NPNT: variants seen among roughly 807,000 people sequenced by gnomAD.
NPNT encodes preosteoblast EGF-like repeat protein with MAM domain.
NPNT carries 45 observed loss-of-function variants against 68.6 expected under a neutral mutation model. The observed-to-expected ratio is 0.66, with a 90% CI of 0.52 to 0.84. The LOEUF is 0.84. NPNT is among the 40% of genes least tolerant of loss of function. The pLI, the probability that NPNT is intolerant of heterozygous loss-of-function variation, is 0.00. For missense variants in NPNT, 672 were observed against 714.8 expected, an observed-to-expected ratio of 0.94 and a Z score of 0.68; for synonymous variants, 233 against 253.3, an observed-to-expected ratio of 0.92 and a Z score of 0.76.
In NPNT at chr4:105,927,319, C is replaced by G. The variant is rs368080865; in HGVS notation, c.173-17C>G. 3 of 1,549,080 alleles carry G rather than the reference C, an allele frequency of 1.9e-6. No homozygotes were observed. Among genetic ancestry groups the G allele is most frequent in the Non-Finnish European group, 2.7e-6 (3 of 1,123,058 alleles). Reference sequence around the variant, plus strand: ...TTCGTTGACCTAGAAATAATGCATGCCATCTTCTTTTCACAGCTGTGTGCC... The same window carrying G: ...TTCGTTGACCTAGAAATAATGCATGGCATCTTCTTTTCACAGCTGTGTGCC... On this transcript the variant is annotated splice_polypyrimidine_tract_variant and intron_variant, in intron 2 of 11. Coordinates refer to ENST00000379987, the MANE Select transcript of NPNT (RefSeq NM_001033047.3).
chr4:105,895,707 G>A lies in NPNT; in HGVS notation c.55G>A (p.Ala19Thr). Residue 19 changes from alanine to threonine, a missense_variant, in exon 1 of 12, where the codon GCC becomes ACC. Coordinates refer to ENST00000379987, the MANE Select transcript of NPNT (RefSeq NM_001033047.3). ...ATCCTCGCTCTACCTGCAGGCGGCC[G>A]CCGAGTTCGACGGGAGGTGAGCTGG... ...LVSSLYLQAA[A>T]EFDGRWPRQI... 4 of 1,553,364 alleles carry A rather than the reference G, an allele frequency of 2.6e-6. No individual in the cohort carries two copies. Among genetic ancestry groups the A allele is most frequent in the South Asian group, 1.2e-5 (1 of 84,178 alleles).
intron 3 of NPNT, among the ~76,000 whole-genome samples, chr4:105,928,289 G>A (rs188680203): frequency 6.6e-6 from 1 of 152,248 alleles, no homozygotes; most frequent in Non-Finnish European, 1.5e-5. Flanking sequence ...AGTCAGACAA[G>A]GCTTGTCTTG....
chr4:105,932,190 AG>A (rs1349584877), intron 3 of NPNT, among the ~76,000 whole-genome samples: 1 of 126,020 alleles, frequency 7.9e-6, no homozygotes, highest in African/African-American at 2.8e-5. Flanking sequence ...GTGATAGTGT[AG>A]GGAAAAAAAT....
chr4:105,934,721 G>T (rs1335721114), intron 3 of NPNT, among the ~76,000 whole-genome samples: 1 of 152,210 alleles, frequency 6.6e-6, no homozygotes, highest in Non-Finnish European at 1.5e-5. Context: ...TTTACCCATT[G>T]AATGTTGCAT....
Position 105,968,939 on chromosome 4 carries a change from T to A in NPNT, c.1647T>A (p.Ile549=), listed in dbSNP as rs768148696. Residue 549 remains isoleucine (I), a synonymous_variant, in exon 12 of 12, where the codon ATT becomes ATA. Transcript: ENST00000379987. ...AAAGGCGTGGTCACACTGGGGAGAT[T>A]GGATTAGATGATGTGAGCTTGAAAA... ...GEKRRGHTGE[I]GLDDVSLKKG... The A allele has an allele frequency of 2.2e-5, 36 of 1,613,384 alleles. No individual in the cohort carries two copies. Among genetic ancestry groups the A allele is most frequent in the Non-Finnish European group, 3.1e-5 (36 of 1,179,554 alleles).
At chr4:105,900,486 A>G (rs1350657121) in intron 2 of NPNT, among the ~76,000 whole-genome samples, 3 of 152,218 alleles carry the variant, frequency 2.0e-5, no homozygotes, top group East Asian at 3.8e-4. Context: ...ACGTATCTGT[A>G]CAAAACATGC....
At chr4:105,910,576 A>C (rs1727284186) in intron 2 of NPNT, among the ~76,000 whole-genome samples, 2 of 152,220 alleles carry the variant, frequency 1.3e-5, no homozygotes, top group Non-Finnish European at 2.9e-5. Context: ...GTTGCATATA[A>C]AAATTTCCTT....
At position 105,930,101 on chromosome 4, in the gene NPNT, T is replaced by C. The variant is rs143171733; in HGVS notation, c.265+2673T>C. Reference sequence around the variant, plus strand: ...AATAAAACTACAGCTTAAAATAAACTTAGGTGTTTTAATCATCTCTTATTT... The same window carrying C: ...AATAAAACTACAGCTTAAAATAAACCTAGGTGTTTTAATCATCTCTTATTT... On this transcript the variant is annotated intron_variant, in intron 3 of 11. Transcript: ENST00000379987. Among the ~76,000 whole-genome samples, 660 of 152,286 alleles carry C rather than the reference T, an allele frequency of 4.3e-3. 8 individuals carry two copies. Among genetic ancestry groups the C allele is most frequent in the African/African-American group, 0.015 (627 of 41,566 alleles).
At chr4:105,953,577 C>T (rs1730993781) in intron 8 of NPNT, among the ~76,000 whole-genome samples, 1 of 152,076 alleles carries the variant, frequency 6.6e-6, no homozygotes, top group African/African-American at 2.4e-5. Flanking sequence ...ATGCATATGT[C>T]CTGCATCTGT....
chr4:105,959,934 C>T (rs1302480473), intron 10 of NPNT, among the ~76,000 whole-genome samples: 1 of 151,854 alleles, frequency 6.6e-6, no homozygotes, highest in Non-Finnish European at 1.5e-5. Context: ...CTCAGCCTCC[C>T]AAGTAGCTGG....
chr4:105,960,284 A>G (rs539929252), intron 10 of NPNT, among the ~76,000 whole-genome samples: 2 of 152,362 alleles, frequency 1.3e-5, no homozygotes, highest in African/African-American at 4.8e-5. Flanking sequence ...CATACTGGAT[A>G]AGAGCACCAA....
At chr4:105,943,242 C>T (rs1428797927) in intron 8 of NPNT, among the ~76,000 whole-genome samples, 5 of 152,102 alleles carry the variant, frequency 3.3e-5, no homozygotes, top group African/African-American at 1.2e-4. Flanking sequence ...GAAGGGATAC[C>T]TCGTCAGTCT....
At chr4:105,931,384 G>C (rs1231618105) in intron 3 of NPNT, among the ~76,000 whole-genome samples, 4 of 151,984 alleles carry the variant, frequency 2.6e-5, no homozygotes, top group African/African-American at 9.7e-5. Flanking sequence ...TTATCATAAG[G>C]AAAGAATTGG....
At chr4:105,911,442 A>G (rs886452688) in intron 2 of NPNT, among the ~76,000 whole-genome samples, 4 of 152,162 alleles carry the variant, frequency 2.6e-5, no homozygotes, top group Non-Finnish European at 5.9e-5. Context: ...CTTTAAAGGC[A>G]TTAATTTAGC....
chr4:105,942,751 C>A, intron 8 of NPNT, 49 bp downstream of exon 8: 1 of 1,517,206 alleles, frequency 6.6e-7, no homozygotes, highest in Admixed American at 2.0e-5. Flanking sequence ...TTTATAATGA[C>A]TTTTCAACCA....
chr4:105,940,691 C>T (rs969436146), intron 7 of NPNT, 55 bp downstream of exon 7: 26 of 1,496,674 alleles, frequency 1.7e-5, no homozygotes, highest in Admixed American at 3.5e-5. Flanking sequence ...CAGGATTACA[C>T]AAAGGCCATT....
intron 2 of NPNT, among the ~76,000 whole-genome samples, chr4:105,903,646 T>C (rs1451837045): frequency 6.6e-6 from 1 of 152,198 alleles, no homozygotes; most frequent in Non-Finnish European, 1.5e-5. Context: ...TACCTACTTA[T>C]GGGTAAATTG....
rs1458291174 is a variant in NPNT at position 105,928,601 on chromosome 4, G to A, written c.265+1173G>A. On this transcript the variant is annotated intron_variant, in intron 3 of 11. Transcript: ENST00000379987. ...GCACTCCAGCCTAGGCAACAAGAGC[G>A]AAACTCTGTCTCAAAAAAAAAAAAA... Among the ~76,000 whole-genome samples the A allele has an allele frequency of 6.6e-5, 7 of 106,376 alleles. No homozygotes were observed. In the South Asian group the frequency reaches 1.2e-3, roughly 17 times the overall value. The allele number at this position is 106,376 out of a possible 152,430, so 69.8% of individuals were successfully genotyped here.
intron 2 of NPNT, among the ~76,000 whole-genome samples, chr4:105,898,726 T>A (rs1726162228): frequency 6.6e-6 from 1 of 152,192 alleles, no homozygotes; most frequent in South Asian, 2.1e-4. Flanking sequence ...CAAATGGATA[T>A]TTTAATGGTA....
Sources: allele counts gnomAD v4.1 joint callset (sites outside exome capture counted in the v4.1 genomes callset), GRCh38; gene constraint gnomAD v4.1.1; transcripts MANE v1.5; gene names NCBI Gene and HGNC (gene_info 2026-07-23, HGNC 2026-07-21).